Variants in NTNG2 observed in about 807,000 individuals in gnomAD.
NTNG2 encodes netrin-G2.
Under a neutral mutation model 47.6 loss-of-function variants are expected in NTNG2, and 15 were observed. The observed-to-expected ratio is 0.32, with a 90% CI of 0.21 to 0.49. The LOEUF (loss-of-function observed/expected upper bound fraction) is 0.49. Ranked by LOEUF, NTNG2 falls within the 20% of genes least tolerant of loss-of-function variation. The pLI is 0.99. For missense variants in NTNG2, 578 were observed against 764.6 expected, an observed-to-expected ratio of 0.76 and a Z score of 2.88; for synonymous variants, 307 against 324.6, an observed-to-expected ratio of 0.95 and a Z score of 0.58.
intron 3 of NTNG2, among the ~76,000 whole-genome samples, chr9:132,211,507 C>T (rs1187718096): frequency 1.3e-5 from 2 of 152,152 alleles, no homozygotes; most frequent in Non-Finnish European, 2.9e-5. Context: ...CTTTCCCTCT[C>T]ACCTCCTTCT....
rs758834216 is a variant in NTNG2 at position 132,198,100 on chromosome 9, C to T, written c.348C>T (p.Pro116=). The change falls in exon 3 of 8, where the codon CCC becomes CCT. Residue 116 remains proline (P), a synonymous_variant. Transcript: ENST00000393229. ...AGAGCATCACCTGGAGCCGCTACCC[C>T]AGCCCGCTGGAAGCCAACATCACCC... The part of the protein sequence containing the change: ...YWQSITWSRY[P]SPLEANITLS... The T allele has an allele frequency of 1.9e-6, 3 of 1,613,812 alleles. No individual in the cohort carries two copies. The African/African-American group carries it at 4.0e-5, about 22-fold the overall frequency.
intron 4 of NTNG2, among the ~76,000 whole-genome samples, chr9:132,228,978 C>G (rs1424245105): frequency 1.3e-4 from 20 of 152,072 alleles, no homozygotes; most frequent in Admixed American, 1.3e-3. Context: ...ACCCTCACCC[C>G]CAGTCACCAC....
At chr9:132,229,772 C>T (rs979423104) in intron 4 of NTNG2, among the ~76,000 whole-genome samples, 2 of 152,250 alleles carry the variant, frequency 1.3e-5, no homozygotes, top group Admixed American at 1.3e-4. Flanking sequence ...ATGGGCCACA[C>T]ATCCCACTGC....
At chr9:132,216,250 A>G (rs1449423598) in intron 3 of NTNG2, among the ~76,000 whole-genome samples, 2 of 152,114 alleles carry the variant, frequency 1.3e-5, no homozygotes, top group Admixed American at 6.5e-5. Flanking sequence ...TTCTGCAAAC[A>G]TTGAGCACCT....
At chr9:132,214,237 G>A (rs980095367) in intron 3 of NTNG2, among the ~76,000 whole-genome samples, 5 of 152,182 alleles carry the variant, frequency 3.3e-5, no homozygotes, top group Non-Finnish European at 7.4e-5. Context: ...CAAACCCCCC[G>A]CTCCTCTCTC....
chr9:132,241,032 C>T lies in NTNG2; in HGVS notation c.1345C>T (p.Gln449Ter). The change falls in exon 7 of 8, where the codon CAG becomes TAG. Residue 449 changes from glutamine (Q) to a stop codon, truncating the protein, a stop_gained. Transcript: ENST00000393229. LOFTEE classifies it low-confidence loss of function (END_TRUNC). Reference protein sequence around the residue: ...DDCLPTHYWRQGCYPNVCDDD... With the variant: ...DDCLPTHYWR The stretch of plus-strand genomic sequence containing the variant: ...CTGCCTCCCCACGCACTACTGGCGC[C>T]AGGGCTGCTACCGTGAGTGCGCGCC... 3.1e-6 allele frequency: 5 copies of T among 1,603,158 alleles called. No homozygotes were observed. Among genetic ancestry groups the T allele is most frequent in the Non-Finnish European group, 4.2e-6 (5 of 1,178,046 alleles).
At chr9:132,223,033 G>A (rs1239162117) in intron 3 of NTNG2, among the ~76,000 whole-genome samples, 3 of 152,204 alleles carry the variant, frequency 2.0e-5, no homozygotes, top group African/African-American at 7.2e-5. Flanking sequence ...AGGATTGCTT[G>A]AGCCCGAGAG....
intron 2 of NTNG2, among the ~76,000 whole-genome samples, chr9:132,187,186 G>T (rs984936698): frequency 2.0e-5 from 3 of 152,268 alleles, no homozygotes. Context: ...GGCGGTCGCC[G>T]TGGCTTTGGG....
At chr9:132,199,732 C>G (rs561633669) in intron 3 of NTNG2, among the ~76,000 whole-genome samples, 2 of 152,176 alleles carry the variant, frequency 1.3e-5, no homozygotes, top group South Asian at 4.1e-4. Flanking sequence ...GACAGTCCAA[C>G]GGCTTATGGA....
chr9:132,172,607 A>G (rs1836007109), intron 2 of NTNG2, among the ~76,000 whole-genome samples: 1 of 150,366 alleles, frequency 6.7e-6, no homozygotes, highest in Admixed American at 6.7e-5. Flanking sequence ...CATCCCCAGC[A>G]CCTCCCTCTG....
chr9:132,197,863 G>A lies in NTNG2; in HGVS notation c.214-103G>A. On this transcript the variant is annotated intron_variant, in intron 2 of 7. Coordinates refer to ENST00000393229, the MANE Select transcript of NTNG2 (RefSeq NM_032536.4). This position sits in a 1 kb window ranked among gnomAD's most constrained non-coding sequence, Gnocchi z 4.3. ...GGAGCACAGGCCCTGTAGCCACAGA[G>A]CAGGTTTCTCGGTTCGCAGGCAGGG... The A allele has an allele frequency of 9.0e-7, 1 of 1,108,462 alleles. No homozygotes were observed. Among genetic ancestry groups the A allele is most frequent in the Non-Finnish European group, 1.3e-6 (1 of 787,016 alleles). The allele number at this position is 1,108,462 out of a possible 1,614,324, so 68.7% of individuals were successfully genotyped here.
intron 2 of NTNG2, among the ~76,000 whole-genome samples, chr9:132,186,764 G>A (rs1004949799): frequency 2.0e-5 from 3 of 152,246 alleles, no homozygotes; most frequent in African/African-American, 7.2e-5. Context: ...GATGCCCACC[G>A]CCTCTCCCCC....
rs548758100 is a variant in NTNG2, at chr9:132,166,643, C to G, written c.-189C>G. 3.3e-6 allele frequency: 2 copies of G among 604,424 alleles called. No individual in the cohort carries two copies. Among genetic ancestry groups the G allele is most frequent in the East Asian group, 5.5e-5 (2 of 36,124 alleles). The allele number at this position is 604,424 out of a possible 1,614,324, so 37.4% of individuals were successfully genotyped here. On this transcript the variant is annotated 5_prime_UTR_variant, in exon 2 of 8. Coordinates refer to ENST00000393229, the MANE Select transcript of NTNG2 (RefSeq NM_032536.4). ...TGAGAAACGCTGGCTCTGAATTTTC[C>G]GTGTCGGCCTTTTGGAAACAACAAG...
intron 2 of NTNG2, among the ~76,000 whole-genome samples, chr9:132,189,064 C>CTTTTTTTTTTTT (rs1179386814): frequency 1.8e-4 from 11 of 61,756 alleles, no homozygotes; most frequent in African/African-American, 6.9e-4. Context: ...GGCTTTAAGC[C>CTTTTTTTTTTTT]TTTCTTTTTT....
chr9:132,170,599 G>A (rs1023377371), intron 2 of NTNG2, among the ~76,000 whole-genome samples: 2 of 152,176 alleles, frequency 1.3e-5, no homozygotes, highest in East Asian at 1.9e-4. Flanking sequence ...TGCAAGACAC[G>A]TCTCCCGCCA....
intron 3 of NTNG2, among the ~76,000 whole-genome samples, chr9:132,201,873 GAGCGCTCCCCGCGGGGGC>G (rs1160102833): frequency 5.9e-5 from 9 of 152,074 alleles, no homozygotes; most frequent in Admixed American, 5.9e-4. Context: ...CCACCCCCTG[GAGCGCTCCCCGCGGGGGC>G]AGCGCTCCCC....
chr9:132,181,559 C>T (rs1836939347), intron 2 of NTNG2, among the ~76,000 whole-genome samples: 1 of 152,200 alleles, frequency 6.6e-6, no homozygotes, highest in Admixed American at 6.5e-5. Context: ...AAGTGATCCG[C>T]CCACCTCAGC....
Position 132,227,005 on chromosome 9 carries a change from T to C in NTNG2, c.1014T>C (p.His338=), listed in dbSNP as rs2130937592. ...CCGGCTCCTACCTGCCGCTGCCCCA[T>C]GGCTCTCCCAACGCCTGTACGTGCC... ...WRAGSYLPLP[H]GSPNACATAG... is the part of the protein sequence containing the mutation. Residue 338 remains histidine (H), a synonymous_variant, in exon 4 of 8, where the codon CAT becomes CAC. Transcript: ENST00000393229. 1 of 1,607,580 alleles carries C rather than the reference T, an allele frequency of 6.2e-7. No individual in the cohort carries two copies. The highest frequency in any genetic ancestry group is 8.5e-7 in the Non-Finnish European group (1 of 1,178,694).
Position 132,166,764 on chromosome 9 carries a change from G to A in NTNG2, c.-68G>A. 2 of 1,500,104 alleles carry A rather than the reference G, an allele frequency of 1.3e-6. No individual in the cohort carries two copies. The highest frequency in any genetic ancestry group is 1.4e-5 in the African/African-American group (1 of 72,892). 92.9% of individuals were successfully genotyped at this position (1,500,104 alleles called of 1,614,324 possible). On this transcript the variant is annotated 5_prime_UTR_variant, in exon 2 of 8. Transcript: ENST00000393229. ...TGGCATTTCCATGCTGAGGCCGCGA[G>A]TCCCGCCTGACCCCGTCGCTGCCTC...
Sources: gnomAD v4.1 joint callset for allele counts (sites outside exome capture counted in the v4.1 genomes callset) on GRCh38, gnomAD v4.1.1 for gene constraint, Gnocchi (gnomAD v3.1) non-coding constraint, MANE v1.5 for transcripts, NCBI Gene and HGNC (gene_info 2026-07-23, HGNC 2026-07-21) for gene names.